The following TBCA variants were observed in gnomAD, a reference collection of about 807,000 sequenced individuals.
The protein encoded by TBCA is tubulin folding cofactor A, also known as tubulin-specific chaperone A.
In TBCA, 6 loss-of-function variants were observed where a neutral mutation model predicts 15.8. The observed-to-expected ratio is 0.38, with a 90% CI of 0.21 to 0.75. The LOEUF (loss-of-function observed/expected upper bound fraction) is 0.75, where lower values mean the gene tolerates loss of function less well. Ranked by LOEUF, TBCA falls within the 30% of genes least tolerant of loss-of-function variation. The pLI is 0.46. For synonymous variants in TBCA, 32 were observed against 42.3 expected, an observed-to-expected ratio of 0.76 and a Z score of 0.94; for missense variants, 90 against 131.2, an observed-to-expected ratio of 0.69 and a Z score of 1.53.
intron 1 of TBCA, among the ~76,000 whole-genome samples, chr5:77,723,150 T>TA (rs1746561857): frequency 6.6e-6 from 1 of 151,844 alleles, no homozygotes; most frequent in Non-Finnish European, 1.5e-5. Flanking sequence ...ATGGGTTTTT[T>TA]TAAAAAAATC....
chr5:77,771,339 C>A (rs72772841), intron 1 of TBCA, among the ~76,000 whole-genome samples: 70 of 152,252 alleles, frequency 4.6e-4, no homozygotes, highest in Non-Finnish European at 7.2e-4. Flanking sequence ...CCCTCAGAGT[C>A]AGAGGCTTAG....
chr5:77,707,322 G>A (rs1191357901), intron 2 of TBCA, among the ~76,000 whole-genome samples: 1 of 152,096 alleles, frequency 6.6e-6, no homozygotes, highest in Non-Finnish European at 1.5e-5. Flanking sequence ...GAGAATGAAT[G>A]TTCAATATAT....
intron 1 of TBCA, among the ~76,000 whole-genome samples, chr5:77,724,565 T>A (rs1746589789): frequency 6.6e-6 from 1 of 152,174 alleles, no homozygotes; most frequent in African/African-American, 2.4e-5. Context: ...AAGGGCATCA[T>A]ATTTATCAAT....
chr5:77,717,920 G>A (rs963115765), intron 1 of TBCA, among the ~76,000 whole-genome samples: 4 of 151,282 alleles, frequency 2.6e-5, no homozygotes, highest in Admixed American at 6.6e-5. Flanking sequence ...ACCTGAGGTC[G>A]GGAGTTCCAG....
At chr5:77,713,282 C>A (rs986186214) in intron 1 of TBCA, among the ~76,000 whole-genome samples, 2 of 151,992 alleles carry the variant, frequency 1.3e-5, no homozygotes, top group African/African-American at 2.4e-5. Context: ...AATAACAGAG[C>A]AAGACTGTCT....
intron 3 of TBCA, 122 bp from the exon 4 acceptor site, chr5:77,691,620 G>A: frequency 2.8e-6 from 4 of 1,417,850 alleles, no homozygotes; most frequent in East Asian, 2.7e-5. Context: ...AAAATCCCAA[G>A]CCTCATCTAA....
At chr5:77,716,908 T>C (rs948604417) in intron 1 of TBCA, among the ~76,000 whole-genome samples, 1 of 152,178 alleles carries the variant, frequency 6.6e-6, no homozygotes, top group Admixed American at 6.5e-5. Flanking sequence ...TTCCAAGTGA[T>C]AGTTTAGGCA....
intron 1 of TBCA, among the ~76,000 whole-genome samples, chr5:77,773,991 C>T (rs548872321): frequency 4.6e-5 from 7 of 152,190 alleles, no homozygotes; most frequent in Non-Finnish European, 7.3e-5. Context: ...TTCTAAGCTC[C>T]AAAACCGTCT....
At chr5:77,749,607 G>A (rs1747270449) in intron 1 of TBCA, among the ~76,000 whole-genome samples, 1 of 152,178 alleles carries the variant, frequency 6.6e-6, no homozygotes, top group Non-Finnish European at 1.5e-5. Flanking sequence ...TAAATCATTA[G>A]TAGAACTATA....
intron 1 of TBCA, 141 bp from the exon 2 acceptor site, chr5:77,708,488 ATAGTT>A: frequency 1.8e-6 from 1 of 546,572 alleles, no homozygotes; most frequent in Non-Finnish European, 3.3e-6. Context: ...CAGAAGAAAA[ATAGTT>A]TAGTCATAAA....
intron 1 of TBCA, among the ~76,000 whole-genome samples, chr5:77,743,629 C>T (rs1161558657): frequency 6.6e-6 from 1 of 152,202 alleles, no homozygotes; most frequent in Non-Finnish European, 1.5e-5. Flanking sequence ...CTGCCGCACC[C>T]AGTCTCTGGC....
intron 1 of TBCA, among the ~76,000 whole-genome samples, chr5:77,742,120 C>T (rs962538689): frequency 3.9e-5 from 6 of 152,140 alleles, no homozygotes; most frequent in African/African-American, 1.4e-4. Flanking sequence ...ACAATGCTTG[C>T]GACAATCCAC....
In TBCA at chr5:77,691,270, T is replaced by G; in HGVS notation, c.*148A>C. On this transcript the variant is annotated 3_prime_UTR_variant, in exon 4 of 4. Transcript: ENST00000380377. ...ATTAGATGAACTCATTTATTTGACA[T>G]ATTAAATTAGACAAAGAAATATATA... 1.5e-6 allele frequency: 1 copy of G among 654,204 alleles called. No individual in the cohort carries two copies. 40.5% of individuals were successfully genotyped at this position (654,204 alleles called of 1,614,324 possible). A position where few individuals can be genotyped will look rare whatever the true frequency, so the allele number is the denominator to read the frequency against.
chr5:77,756,143 G>A (rs1262989113), intron 1 of TBCA, among the ~76,000 whole-genome samples: 8 of 152,132 alleles, frequency 5.3e-5, no homozygotes, highest in African/African-American at 1.7e-4. Context: ...CTAGGATTTC[G>A]TGTAGTGGGT....
chr5:77,745,027 C>T (rs544114780), intron 1 of TBCA, among the ~76,000 whole-genome samples: 1 of 152,304 alleles, frequency 6.6e-6, no homozygotes, highest in African/African-American at 2.4e-5. Flanking sequence ...ATTGCAACTA[C>T]TTCACATTAC....
intron 1 of TBCA, among the ~76,000 whole-genome samples, chr5:77,761,345 G>A (rs1463040099): frequency 3.3e-5 from 5 of 152,106 alleles, no homozygotes; most frequent in South Asian, 2.1e-4. Context: ...CCCCAACCCC[G>A]TGCTCTCTGA....
chr5:77,702,275 A>G (rs984129022), intron 2 of TBCA, among the ~76,000 whole-genome samples: 1 of 152,224 alleles, frequency 6.6e-6, no homozygotes, highest in South Asian at 2.1e-4. Context: ...AAAAACCTGG[A>G]AACAATCCAA....
intron 3 of TBCA, chr5:77,692,162 A>G (rs977460056): frequency 1.0e-6 from 1 of 984,892 alleles, no homozygotes. Context: ...ATTTTGTTTG[A>G]TTTTTAAATG....
chr5:77,743,873 GGTAA>G (rs1387714477), intron 1 of TBCA, among the ~76,000 whole-genome samples: 1 of 152,066 alleles, frequency 6.6e-6, no homozygotes, highest in Non-Finnish European at 1.5e-5. Context: ...GGCATATAAT[GGTAA>G]ATAAGACAGA....
Sources: allele counts gnomAD v4.1 joint callset (sites outside exome capture counted in the v4.1 genomes callset), GRCh38; gene constraint gnomAD v4.1.1; transcripts MANE v1.5; gene names NCBI Gene and HGNC (gene_info 2026-07-23, HGNC 2026-07-21).